NAV2: variants seen among roughly 807,000 people sequenced by gnomAD.
NAV2 encodes the protein neuron navigator 2, also known as helicase, APC down-regulated 1.
In NAV2, 54 loss-of-function variants were observed where a neutral mutation model predicts 223.2. That is an observed-to-expected ratio of 0.24 (90% CI 0.19 to 0.30). The LOEUF is 0.30. Among genes scored for constraint, NAV2 ranks in the 10% least tolerant of loss-of-function variants. NAV2 has a pLI of 1.00. For synonymous variants in NAV2, 1,279 were observed against 1,239.3 expected (o/e 1.03, Z -0.67); for missense variants, 2,806 against 3,147.5 (o/e 0.89, Z 2.60).
chr11:19,483,703 T>C (rs890012488), intron 1 of NAV2, among the ~76,000 whole-genome samples: 1 of 152,202 alleles, frequency 6.6e-6, no homozygotes, highest in Non-Finnish European at 1.5e-5. Flanking sequence ...GGAAAAGGTA[T>C]TAAGTTTTTT....
chr11:20,089,264 C>T (rs2153680308), intron 26 of NAV2, among the ~76,000 whole-genome samples: 1 of 152,216 alleles, frequency 6.6e-6, no homozygotes, highest in South Asian at 2.1e-4. Flanking sequence ...CTTTTAAAAA[C>T]ATAAGGTGGT....
chr11:19,436,742 C>A (rs1176910925), intron 1 of NAV2, among the ~76,000 whole-genome samples: 1 of 151,912 alleles, frequency 6.6e-6, no homozygotes, highest in South Asian at 2.1e-4. Context: ...AACACCTTTC[C>A]GTTTATTTGT....
rs369346832 is a variant in NAV2, at chr11:19,924,074, G to T, written c.932-9102G>T. ...GTAGAATACATTTGATGTAAAGGGC[G>T]TGTGTGTGAGAGAGAGGGAGAGATT... is the stretch of plus-strand genomic sequence containing the variant. On this transcript the variant is annotated intron_variant, in intron 6 of 37. Transcript: ENST00000349880. 6.6e-5 allele frequency among the ~76,000 whole-genome samples: 10 copies of T among 152,112 alleles called. No homozygotes were observed. The East Asian group carries it at 1.2e-3, about 18-fold the overall frequency.
chr11:19,592,298 T>C (rs1027719404), intron 1 of NAV2, among the ~76,000 whole-genome samples: 51 of 152,264 alleles, frequency 3.3e-4, no homozygotes, highest in African/African-American at 1.2e-3. Context: ...AGGTTCTCTC[T>C]GCCTGGAATA....
At chr11:19,997,669 A>G (rs182282989) in intron 11 of NAV2, among the ~76,000 whole-genome samples, 3 of 152,278 alleles carry the variant, frequency 2.0e-5, no homozygotes, top group Middle Eastern at 3.4e-3. Flanking sequence ...ATAGGCAGAG[A>G]GTGGCAGAGC....
intron 1 of NAV2, among the ~76,000 whole-genome samples, chr11:19,735,980 C>T (rs1266955371): frequency 6.6e-6 from 1 of 152,192 alleles, no homozygotes; most frequent in Non-Finnish European, 1.5e-5. Context: ...CCTGACCTGC[C>T]AGCACCTGCC....
chr11:19,843,243 T>A (rs954149735), intron 3 of NAV2, among the ~76,000 whole-genome samples: 3 of 152,240 alleles, frequency 2.0e-5, no homozygotes, highest in African/African-American at 7.2e-5. Flanking sequence ...TTCTGCTTCC[T>A]CAAAGACCCA....
intron 1 of NAV2, among the ~76,000 whole-genome samples, chr11:19,403,115 T>C (rs1323206420): frequency 1.3e-5 from 2 of 152,206 alleles, no homozygotes; most frequent in Admixed American, 6.5e-5. Flanking sequence ...TAAAAGGTGA[T>C]GAGTTAATCT....
chr11:19,463,378 ATC>A (rs1243002680), intron 1 of NAV2, among the ~76,000 whole-genome samples: 1 of 152,210 alleles, frequency 6.6e-6, no homozygotes, highest in Non-Finnish European at 1.5e-5. Flanking sequence ...CTCCACTCTA[ATC>A]CCATGCCTGT....
chr11:20,106,046 G>A (rs1476872231), intron 35 of NAV2, among the ~76,000 whole-genome samples: 2 of 150,660 alleles, frequency 1.3e-5, no homozygotes, highest in Non-Finnish European at 3.0e-5. Context: ...CAGCATTTCT[G>A]AAAGCTGGAC....
At chr11:19,891,192 G>C (rs573010677) in intron 5 of NAV2, among the ~76,000 whole-genome samples, 4 of 152,298 alleles carry the variant, frequency 2.6e-5, no homozygotes, top group Admixed American at 6.5e-5. Context: ...GATTTGCATG[G>C]AAAGAGAAGG....
chr11:19,586,157 C>T (rs905788554), intron 1 of NAV2, among the ~76,000 whole-genome samples: 1 of 152,200 alleles, frequency 6.6e-6, no homozygotes, highest in Non-Finnish European at 1.5e-5. Flanking sequence ...ACCCTTTCTT[C>T]CAGTTGATTG....
chr11:19,887,297 G>T (rs1433795661), intron 5 of NAV2, among the ~76,000 whole-genome samples: 1 of 152,074 alleles, frequency 6.6e-6, no homozygotes, highest in African/African-American at 2.4e-5. Context: ...AGCTCTCCAT[G>T]GACTTCTGCC....
chr11:19,527,484 C>T (rs1450394513), intron 1 of NAV2, among the ~76,000 whole-genome samples: 1 of 152,128 alleles, frequency 6.6e-6, no homozygotes, highest in South Asian at 2.1e-4. Flanking sequence ...TAGCCACACT[C>T]CCTTGCCTTT....
chr11:19,459,038 C>T (rs948665211), intron 1 of NAV2, among the ~76,000 whole-genome samples: 4 of 152,260 alleles, frequency 2.6e-5, no homozygotes, highest in Non-Finnish European at 5.9e-5. Flanking sequence ...CGTGGGAAGG[C>T]GGGCTGGGGT....
chr11:19,961,110 A>G (rs987650839), intron 10 of NAV2, among the ~76,000 whole-genome samples: 3 of 151,588 alleles, frequency 2.0e-5, no homozygotes, highest in African/African-American at 7.3e-5. Context: ...TTTTTAATTT[A>G]AAATTTTTTT....
In NAV2 at chr11:19,948,844, G is replaced by A. The variant is rs2153367358; in HGVS notation, c.2409G>A (p.Gly803=). The A allele has an allele frequency of 6.2e-7, 1 of 1,614,046 alleles. No homozygotes were observed. The highest frequency in any genetic ancestry group is 8.5e-7 in the Non-Finnish European group (1 of 1,180,032). The change falls in exon 10 of 38, where the codon GGG becomes GGA. Residue 803 remains glycine (G), a synonymous_variant. Transcript: ENST00000349880. ...GAGACGCCCCCTCAATGGGCAATGG[G>A]TATCCCCCTCGAGCCAACGCCAGCA... is the stretch of plus-strand genomic sequence containing the variant. ...QAGDAPSMGN[G]YPPRANASRF...
intron 12 of NAV2, among the ~76,000 whole-genome samples, chr11:20,042,500 C>G (rs189198399): frequency 3.9e-4 from 59 of 151,892 alleles, no homozygotes; most frequent in Non-Finnish European, 1.0e-4. Context: ...TAATACTTAG[C>G]TGGAAAAAAA....
At chr11:19,950,342 A>G (rs1472384282) in intron 10 of NAV2, among the ~76,000 whole-genome samples, 1 of 152,190 alleles carries the variant, frequency 6.6e-6, no homozygotes, top group Non-Finnish European at 1.5e-5. Context: ...CTCCATAGCA[A>G]TCCTTTGAGG....
Sources: gnomAD v4.1 joint callset for allele counts (sites outside exome capture counted in the v4.1 genomes callset) on GRCh38, gnomAD v4.1.1 for gene constraint, MANE v1.5 for transcripts, NCBI Gene and HGNC (gene_info 2026-07-23, HGNC 2026-07-21) for gene names.